Variants in TYW1B observed in about 807,000 individuals in gnomAD.
The protein encoded by TYW1B is S-adenosyl-L-methionine-dependent tRNA 4-demethylwyosine synthase TYW1B.
A neutral mutation model predicts 86.9 loss-of-function variants in TYW1B; 73 were observed. That is an observed-to-expected ratio of 0.84 (90% CI 0.70 to 1.02). TYW1B has a LOEUF of 1.02. Ranked by LOEUF, TYW1B falls within the 50% of genes least tolerant of loss-of-function variation. The probability of loss-of-function intolerance (pLI) is 0.00; values close to 1 mark genes in which losing one functional copy is unlikely to be tolerated. For synonymous variants in TYW1B, 248 were observed against 292.8 expected, an observed-to-expected ratio of 0.85 and a Z score of 1.56; for missense variants, 637 against 827.4, an observed-to-expected ratio of 0.77 and a Z score of 2.82.
At chr7:72,727,064 T>A (rs549393685) in intron 9 of TYW1B, among the ~76,000 whole-genome samples, 1 of 152,196 alleles carries the variant, frequency 6.6e-6, no homozygotes, top group South Asian at 2.1e-4. Context: ...TCTCGACGCA[T>A]AGGGATTATG....
intron 10 of TYW1B, among the ~76,000 whole-genome samples, chr7:72,702,893 C>G (rs1554452835): frequency 1.3e-5 from 2 of 151,202 alleles, no homozygotes; most frequent in African/African-American, 4.9e-5. Flanking sequence ...CACAGAGAAA[C>G]AAGATTTTTA....
intron 9 of TYW1B, among the ~76,000 whole-genome samples, chr7:72,720,536 T>G (rs1418659529): frequency 6.6e-6 from 1 of 152,218 alleles, no homozygotes; most frequent in Non-Finnish European, 1.5e-5. Context: ...TCTTAGATTT[T>G]AAAGTTATCC....
Position 72,725,262 on chromosome 7 carries a change from A to T in TYW1B, c.1192+3560T>A, listed in dbSNP as rs138592823. Among the ~76,000 whole-genome samples the T allele has an allele frequency of 9.4e-3, 1,425 of 152,302 alleles. 16 individuals are homozygous for T. The highest frequency in any genetic ancestry group is 0.016 in the Non-Finnish European group (1,088 of 68,022). On this transcript the variant is annotated intron_variant, in intron 9 of 13. Coordinates refer to ENST00000620995, the MANE Select transcript of TYW1B (RefSeq NM_001145440.3). The stretch of plus-strand genomic sequence containing the variant: ...ATCCAAACTCAGATCGTCATTCTGT[A>T]GGAAGGACATCCCAGCAGAAAGAAA...
Position 72,828,159 on chromosome 7 carries a change from A to G in TYW1B, c.-84T>C, listed in dbSNP as rs1788978687. On this transcript the variant is annotated 5_prime_UTR_variant, in exon 1 of 14. Coordinates refer to ENST00000620995, the MANE Select transcript of TYW1B (RefSeq NM_001145440.3). ...CTGGTACTGCGAGACGCACCGAGCT[A>G]CCTCGCGGCGTTAGCGCCGTACCGA... 2 of 1,596,830 alleles carry G rather than the reference A, an allele frequency of 1.3e-6. No homozygotes were observed.
At chr7:72,627,488 AACATAACATAACATAACATAACAT>A in intron 12 of TYW1B, among the ~76,000 whole-genome samples, 1 of 151,138 alleles carries the variant, frequency 6.6e-6, no homozygotes, top group Non-Finnish European at 1.5e-5. Context: ...AACATAACAT[AACATAACATAACATAACATAACAT>A]AAATAAAATA....
At chr7:72,663,814 C>T (rs530008219) in intron 11 of TYW1B, among the ~76,000 whole-genome samples, 57 of 148,238 alleles carry the variant, frequency 3.8e-4, no homozygotes, top group African/African-American at 1.3e-3. Flanking sequence ...TGTTAAGTGA[C>T]CTTAGTTCCA....
rs186138749 is a variant in TYW1B at position 72,797,478 on chromosome 7, G to A, written c.846+4922C>T. Among the ~76,000 whole-genome samples the A allele has an allele frequency of 1.1e-3, 166 of 152,212 alleles. 1 individual carries two copies. Among genetic ancestry groups the A allele is most frequent in the Non-Finnish European group, 2.6e-4 (18 of 68,016 alleles). ...CCCAGAGTATCTCTTCCATTTGACCGTTTCTGATCTGTGGCCTTTATAATA... is the reference window on the plus strand; with the variant it reads ...CCCAGAGTATCTCTTCCATTTGACCATTTCTGATCTGTGGCCTTTATAATA... On this transcript the variant is annotated intron_variant, in intron 6 of 13. Transcript: ENST00000620995.
chr7:72,765,493 T>G (rs1414299260), intron 7 of TYW1B, among the ~76,000 whole-genome samples: 1 of 151,960 alleles, frequency 6.6e-6, no homozygotes, highest in East Asian at 1.9e-4. Context: ...TGAGATGGAG[T>G]CTCACTCTGT....
intron 10 of TYW1B, among the ~76,000 whole-genome samples, chr7:72,711,507 T>G (rs12670699): frequency 4.6e-5 from 6 of 131,284 alleles, no homozygotes; most frequent in Non-Finnish European, 9.7e-5. Flanking sequence ...TTTTGCTCTG[T>G]AGCCCAGGCT....
At chr7:72,706,431 CAAAAAAAAAAAAAA>C (rs59124514) in intron 10 of TYW1B, among the ~76,000 whole-genome samples, 1 of 64,490 alleles carries the variant, frequency 1.6e-5, no homozygotes, top group Non-Finnish European at 2.9e-5. Flanking sequence ...CCTCCATCTC[CAAAAAAAAAAAAAA>C]AAAAAAAAAG....
At chr7:72,823,393 G>A (rs1290412360) in intron 2 of TYW1B, among the ~76,000 whole-genome samples, 15 of 151,884 alleles carry the variant, frequency 9.9e-5, no homozygotes, top group Admixed American at 2.6e-4. Flanking sequence ...AGGCCAAGGC[G>A]GGCAGATCAC....
chr7:72,737,783 A>ACTT lies in TYW1B; in HGVS notation c.1082+6698_1082+6700dup, dbSNP rs1417201983. ...AAAAGTGGTTTTTTGGTCACATTTT[A>ACTT]CTTCTTTTTTTTTTTTTTTGAGATG... On this transcript the variant is annotated intron_variant, in intron 8 of 13. Coordinates refer to ENST00000620995, the MANE Select transcript of TYW1B (RefSeq NM_001145440.3). Among the ~76,000 whole-genome samples the ACTT allele has an allele frequency of 5.3e-3, 604 of 114,886 alleles. 5 individuals are homozygous for ACTT. The highest frequency in any genetic ancestry group is 0.019 in the African/African-American group (573 of 30,866). The allele number at this position is 114,886 out of a possible 152,430, so 75.4% of individuals were successfully genotyped here.
chr7:72,716,805 AT>A (rs71071904), intron 9 of TYW1B, among the ~76,000 whole-genome samples: 42 of 136,448 alleles, frequency 3.1e-4, no homozygotes, highest in Admixed American at 6.0e-4. Context: ...CGTCTGGCTA[AT>A]TTTTTTTTTT....
chr7:72,602,362 G>A (rs1163818354), intron 13 of TYW1B, among the ~76,000 whole-genome samples: 2 of 152,180 alleles, frequency 1.3e-5, no homozygotes, highest in Non-Finnish European at 2.9e-5. Flanking sequence ...AGCAAGGGGA[G>A]GAGGCTAGAA....
In TYW1B at chr7:72,750,478, G is replaced by T. The variant is rs140764976; in HGVS notation, c.965-5877C>A. Among the ~76,000 whole-genome samples the T allele has an allele frequency of 1.6e-4, 24 of 152,194 alleles. No individual in the cohort carries two copies. The East Asian group carries it at 4.6e-3, about 29-fold the overall frequency. On this transcript the variant is annotated intron_variant, in intron 7 of 13. Transcript: ENST00000620995. ...TAGGTAATAGATTGTTTCTCTCAAG[G>T]TGCTTTACATATTTTTTCCTTTTTC...
rs1812086236 is a variant in TYW1B, at chr7:72,616,761, A to T, written c.1696T>A (p.Phe566Ile). The change falls in exon 13 of 14, where the codon TTT becomes ATT. Residue 566 changes from phenylalanine (F) to isoleucine (I), a missense_variant. By Grantham distance (21) the Phe-to-Ile change is conservative. Coordinates refer to ENST00000620995, the MANE Select transcript of TYW1B (RefSeq NM_001145440.3). ...HVPWHEEVVQ[F>I]VRELVDLIPE... Reference sequence around the variant, plus strand: ...ATCAGATCCACCAGCTCGCGGACAAACTGTACCACTTCCTCATGCCAGGGC... The same window carrying T: ...ATCAGATCCACCAGCTCGCGGACAATCTGTACCACTTCCTCATGCCAGGGC... 1 of 1,614,254 alleles carries T rather than the reference A, an allele frequency of 6.2e-7. No individual in the cohort carries two copies. Among genetic ancestry groups the T allele is most frequent in the East Asian group, 2.2e-5 (1 of 44,886 alleles).
chr7:72,658,253 TAAAA>T (rs782693151), intron 11 of TYW1B, among the ~76,000 whole-genome samples: 1 of 77,084 alleles, frequency 1.3e-5, no homozygotes. Context: ...TCCGTCTCAA[TAAAA>T]AAAAAAAAAA....
At chr7:72,581,861 A>G (rs1203674892) in intron 13 of TYW1B, among the ~76,000 whole-genome samples, 7 of 151,252 alleles carry the variant, frequency 4.6e-5, no homozygotes, top group African/African-American at 1.7e-4. Flanking sequence ...TCTACATCCC[A>G]GGTACAAGAG....
intron 7 of TYW1B, among the ~76,000 whole-genome samples, chr7:72,766,174 G>A (rs1787765531): frequency 6.6e-6 from 1 of 152,200 alleles, no homozygotes; most frequent in South Asian, 2.1e-4. Context: ...AAACAAAACA[G>A]CTCATAACGT....
Sources: allele counts gnomAD v4.1 joint callset (sites outside exome capture counted in the v4.1 genomes callset), GRCh38; gene constraint gnomAD v4.1.1; transcripts MANE v1.5; gene names NCBI Gene and HGNC (gene_info 2026-07-23, HGNC 2026-07-21).